FBLN7: variants seen among roughly 807,000 people sequenced by gnomAD.
FBLN7 encodes fibulin-7.
FBLN7 carries 31 observed loss-of-function variants against 44.0 expected under a neutral mutation model. That is an observed-to-expected ratio of 0.70 (90% CI 0.53 to 0.95). The LOEUF is 0.95. Among genes scored for constraint, FBLN7 ranks in the 40% least tolerant of loss-of-function variants. The pLI is 0.00. For synonymous variants in FBLN7, 262 were observed against 253.4 expected, an observed-to-expected ratio of 1.03 and a Z score of -0.32; for missense variants, 573 against 618.5, an observed-to-expected ratio of 0.93 and a Z score of 0.78.
At chr2:112,231,100 C>T in the FBLN7 span, 3 of 451,814 alleles carry the variant, frequency 6.6e-6, no homozygotes, top group African/African-American at 2.1e-5. Flanking sequence ...AACTGAAAAA[C>T]TTATTTCATA....
In FBLN7 at chr2:112,187,562, G is replaced by C. The variant is rs758963384; in HGVS notation, c.*56G>C. On this transcript the variant is annotated 3_prime_UTR_variant, in exon 8 of 8. Transcript: ENST00000331203. This position sits in a 1 kb window ranked among gnomAD's most constrained non-coding sequence, Gnocchi z 5.1. The stretch of plus-strand genomic sequence containing the variant: ...CTGACCTCATTTCTCTTCCCCGAAG[G>C]CTCAGCTTCGGGCACCGACTGCGTG... The C allele has an allele frequency of 6.3e-7, 1 of 1,578,092 alleles. No individual in the cohort carries two copies. Among genetic ancestry groups the C allele is most frequent in the African/African-American group, 1.3e-5 (1 of 74,500 alleles).
chr2:112,225,437 TACTGC>T, the FBLN7 span, among the ~76,000 whole-genome samples: 1 of 152,124 alleles, frequency 6.6e-6, no homozygotes, highest in African/African-American at 2.4e-5. Context: ...ATGATTGTGC[TACTGC>T]ACTCCAGCCT....
intron 5 of FBLN7, 148 bp downstream of exon 5, chr2:112,182,024 T>A: frequency 2.0e-6 from 2 of 984,474 alleles, no homozygotes; most frequent in Non-Finnish European, 2.8e-6. Flanking sequence ...TATAGGTAAG[T>A]GTTGACCTAG....
chr2:112,204,789 A>G, the FBLN7 span, among the ~76,000 whole-genome samples: 1 of 152,324 alleles, frequency 6.6e-6, no homozygotes, highest in African/African-American at 2.4e-5. Context: ...CATACCACAT[A>G]AGAAATATTA....
At chr2:112,144,528 T>C (rs1013087845) in intron 1 of FBLN7, among the ~76,000 whole-genome samples, 14 of 145,278 alleles carry the variant, frequency 9.6e-5, no homozygotes, top group East Asian at 3.9e-4. Context: ...CTTTTCTTTT[T>C]TTTTTTTTTT....
At chr2:112,174,183 A>G (rs1191502407) in intron 3 of FBLN7, among the ~76,000 whole-genome samples, 2 of 152,214 alleles carry the variant, frequency 1.3e-5, no homozygotes, top group African/African-American at 2.4e-5. Flanking sequence ...GGAGCTGGAC[A>G]AGGGATAACA....
At position 112,185,302 on chromosome 2, in the gene FBLN7, G is replaced by C; in HGVS notation, c.910G>C (p.Gly304Arg). The C allele has an allele frequency of 6.2e-7, 1 of 1,613,856 alleles. No individual in the cohort carries two copies. ...GTGTGTCAGCCCTGAGTGCCCCGAGGGCAGCGGCAATGTGAGCTACGTGAA... is the reference window on the plus strand; with the variant it reads ...GTGTGTCAGCCCTGAGTGCCCCGAGCGCAGCGGCAATGTGAGCTACGTGAA... ...FQCVSPECPEGSGNVSYVKTS... is the reference protein window; with the variant it reads ...FQCVSPECPERSGNVSYVKTS... The change falls in exon 7 of 8, where the codon GGC (glycine) becomes CGC (arginine). Residue 304 changes from glycine to arginine, a missense_variant. By Grantham distance (125) the Gly-to-Arg change is moderately radical. Coordinates refer to ENST00000331203, the MANE Select transcript of FBLN7 (RefSeq NM_153214.3).
chr2:112,141,555 G>A (rs1387805142), intron 1 of FBLN7, among the ~76,000 whole-genome samples: 2 of 152,206 alleles, frequency 1.3e-5, no homozygotes, highest in Non-Finnish European at 2.9e-5. Context: ...CAGAGGCCCA[G>A]TTTGGGGCCA....
the FBLN7 span, among the ~76,000 whole-genome samples, chr2:112,224,703 G>A: frequency 6.6e-6 from 1 of 152,168 alleles, no homozygotes; most frequent in South Asian, 2.1e-4. Context: ...ACACCATACT[G>A]AGCAAAAGAC....
chr2:112,194,122 C>G, the FBLN7 span, among the ~76,000 whole-genome samples: 2 of 152,126 alleles, frequency 1.3e-5, no homozygotes, highest in African/African-American at 4.8e-5. Context: ...ACCTAAGGGT[C>G]ACTCACATGT....
At chr2:112,194,319 T>C in the FBLN7 span, among the ~76,000 whole-genome samples, 5 of 152,322 alleles carry the variant, frequency 3.3e-5, no homozygotes, top group South Asian at 2.1e-4. Context: ...AAATTCATCT[T>C]TCCTTCCCTG....
the FBLN7 span, among the ~76,000 whole-genome samples, chr2:112,228,712 T>C: frequency 6.6e-6 from 1 of 152,108 alleles, no homozygotes; most frequent in East Asian, 1.9e-4. Flanking sequence ...ACGGAAAGCA[T>C]GATCCATAGA....
intron 4 of FBLN7, chr2:112,176,805 C>T (rs937289313): frequency 4.6e-5 from 7 of 152,200 alleles, no homozygotes; most frequent in African/African-American, 1.7e-4. Flanking sequence ...TTCTTGGAGA[C>T]CTCACTGCCT....
In FBLN7 at chr2:112,160,776, GCACACGCACGCACACGCA is replaced by G. The variant is rs1210515966; in HGVS notation, c.235+957_235+974del. On this transcript the variant is annotated intron_variant, in intron 2 of 7. Transcript: ENST00000331203. ...CGCACACACGCACGCACACGCAGAC[GCACACGCACGCACACGCA>G]CACACGCACGCACACACACGCACAC... Among the ~76,000 whole-genome samples, 351 of 108,858 alleles carry G rather than the reference GCACACGCACGCACACGCA, an allele frequency of 3.2e-3. 2 individuals carry two copies. The highest frequency in any genetic ancestry group is 4.0e-3 in the South Asian group (12 of 3,032). The allele number at this position is 108,858 out of a possible 152,430, so 71.4% of individuals were successfully genotyped here.
At chr2:112,180,796 G>A (rs369112985) in intron 4 of FBLN7, among the ~76,000 whole-genome samples, 26 of 151,748 alleles carry the variant, frequency 1.7e-4, no homozygotes, top group South Asian at 4.2e-4. Flanking sequence ...GGTGGCGGGC[G>A]CCTGTAGTCC....
At chr2:112,226,219 GT>G in the FBLN7 span, among the ~76,000 whole-genome samples, 3,451 of 148,522 alleles carry the variant, frequency 0.023, 64 homozygotes, top group South Asian at 0.053. Context: ...TACCAAAGCT[GT>G]TTTTTTTTTA....
chr2:112,234,507 A>G, the FBLN7 span, among the ~76,000 whole-genome samples: 1 of 152,026 alleles, frequency 6.6e-6, no homozygotes, highest in Non-Finnish European at 1.5e-5. Context: ...AATGAAAAAA[A>G]TTTTTTAAAT....
At chr2:112,214,002 G>C in the FBLN7 span, 1 of 145,116 alleles carries the variant, frequency 6.9e-6, no homozygotes. Context: ...CTGGAGTGCA[G>C]TGGTGCGATC....
intron 1 of FBLN7, among the ~76,000 whole-genome samples, chr2:112,146,191 A>G (rs893737557): frequency 6.6e-6 from 1 of 152,204 alleles, no homozygotes; most frequent in African/African-American, 2.4e-5. Context: ...GTGGTGGCAC[A>G]TGCCTGTAAT....
Sources: gnomAD v4.1 joint callset for allele counts (sites outside exome capture counted in the v4.1 genomes callset) on GRCh38, gnomAD v4.1.1 for gene constraint, Gnocchi (gnomAD v3.1) non-coding constraint, MANE v1.5 for transcripts, NCBI Gene and HGNC (gene_info 2026-07-23, HGNC 2026-07-21) for gene names.